Variants in NAALADL2 observed in about 807,000 individuals in gnomAD.
NAALADL2 encodes N-acetylated alpha-linked acidic dipeptidase like 2.
In NAALADL2, 76 loss-of-function variants were observed where a neutral mutation model predicts 87.2. The ratio of observed to expected loss-of-function variants is 0.87; its 90% confidence interval spans 0.72 to 1.05. The LOEUF is 1.05. Among genes scored for constraint, NAALADL2 ranks in the 50% least tolerant of loss-of-function variants. The pLI, the probability that NAALADL2 is intolerant of heterozygous loss-of-function variation, is 0.00. For missense variants in NAALADL2, 1,089 were observed against 945.8 expected, an observed-to-expected ratio of 1.15 and a Z score of -1.99; for synonymous variants, 354 against 331.0, an observed-to-expected ratio of 1.07 and a Z score of -0.75.
chr3:174,761,560 A>G (rs1712956904), intron 3 of NAALADL2, among the ~76,000 whole-genome samples: 1 of 152,158 alleles, frequency 6.6e-6, no homozygotes, highest in Non-Finnish European at 1.5e-5. Context: ...TAACCAAGAG[A>G]GTATAAAGGA....
intron 1 of NAALADL2, among the ~76,000 whole-genome samples, chr3:175,011,932 G>A (rs1041504142): frequency 3.3e-5 from 5 of 152,070 alleles, no homozygotes; most frequent in Admixed American, 1.3e-4. Flanking sequence ...TGCAAAAACT[G>A]TAAAAAGCTA....
chr3:175,321,006 T>C (rs1759782638), intron 4 of NAALADL2, among the ~76,000 whole-genome samples: 1 of 151,798 alleles, frequency 6.6e-6, no homozygotes. Flanking sequence ...ATCATTCTAA[T>C]ACCAAAGCCG....
At chr3:174,949,814 C>T (rs1011292558) in intron 1 of NAALADL2, among the ~76,000 whole-genome samples, 4 of 152,298 alleles carry the variant, frequency 2.6e-5, no homozygotes, top group East Asian at 1.9e-4. Flanking sequence ...CACTGCTATT[C>T]GGAAGAAGAA....
intron 9 of NAALADL2, among the ~76,000 whole-genome samples, chr3:175,511,365 C>A (rs9839360): frequency 2.1e-4 from 32 of 152,050 alleles, no homozygotes; most frequent in Non-Finnish European, 3.8e-4. Context: ...GGCTGTCAGC[C>A]TAGGTTCTAA....
chr3:174,506,869 T>C (rs1719238358), intron 1 of NAALADL2, among the ~76,000 whole-genome samples: 1 of 151,954 alleles, frequency 6.6e-6, no homozygotes, highest in South Asian at 2.1e-4. Context: ...TTTTTCTTAT[T>C]TTTTTATTAG....
At chr3:174,947,779 C>T (rs1267282414) in intron 1 of NAALADL2, among the ~76,000 whole-genome samples, 2 of 151,886 alleles carry the variant, frequency 1.3e-5, no homozygotes, top group Non-Finnish European at 2.9e-5. Context: ...CACATATGTG[C>T]ACACATTCTT....
intron 11 of NAALADL2, among the ~76,000 whole-genome samples, chr3:175,727,847 G>A (rs1389843511): frequency 6.6e-6 from 1 of 152,066 alleles, no homozygotes; most frequent in Admixed American, 6.6e-5. Context: ...GTCATCCATT[G>A]GCAAGAAGAG....
intron 13 of NAALADL2, among the ~76,000 whole-genome samples, chr3:175,769,849 G>C (rs1749247598): frequency 6.6e-6 from 1 of 152,144 alleles, no homozygotes; most frequent in Non-Finnish European, 1.5e-5. Flanking sequence ...TGACAGCTCA[G>C]GGAAGAGTTG....
Position 175,808,449 on chromosome 3 carries a change from ACT to A in NAALADL2, c.*5249_*5250del, listed in dbSNP as rs1030779809. The A allele has an allele frequency of 6.6e-6, 1 of 151,924 alleles. No individual in the cohort carries two copies. The highest frequency in any genetic ancestry group is 2.4e-5 in the African/African-American group (1 of 41,388). The allele number at this position is 151,924 out of a possible 1,614,324, so 9.4% of individuals were successfully genotyped here. Reference sequence around the variant, plus strand: ...ATCAAGGCCAAAGAAATGCATGATTACTCTGATTTCTTATGCACCATTCAGTC... The same window carrying A: ...ATCAAGGCCAAAGAAATGCATGATTACTGATTTCTTATGCACCATTCAGTC... On this transcript the variant is annotated 3_prime_UTR_variant, in exon 14 of 14. Coordinates refer to ENST00000454872, the MANE Select transcript of NAALADL2 (RefSeq NM_207015.3).
chr3:175,667,257 G>GAAAGAAAGA (rs1733309445), intron 11 of NAALADL2, among the ~76,000 whole-genome samples: 1 of 140,976 alleles, frequency 7.1e-6, no homozygotes, highest in African/African-American at 3.0e-5. Flanking sequence ...AAGAAAGAAA[G>GAAAGAAAGA]AAAGAAAGGA....
Position 175,644,320 on chromosome 3 carries a change from T to C in NAALADL2, c.1896+16934T>C, listed in dbSNP as rs1357242377. On this transcript the variant is annotated intron_variant, in intron 11 of 13. Transcript: ENST00000454872. ...TCTAGTTTGCCAATATCTTTATGTT[T>C]TTAGTCCTTTGAGGTTCTTAAATTC... 2.0e-5 allele frequency among the ~76,000 whole-genome samples: 3 copies of C among 152,254 alleles called. No homozygotes were observed. The East Asian group carries it at 5.8e-4, about 29-fold the overall frequency.
intron 1 of NAALADL2, among the ~76,000 whole-genome samples, chr3:174,970,825 T>A (rs535277873): frequency 6.6e-5 from 10 of 152,308 alleles, no homozygotes; most frequent in African/African-American, 2.4e-4. Flanking sequence ...ACATGTTCAA[T>A]CAATAAGCAT....
At chr3:175,531,262 A>C (rs150005131) in intron 9 of NAALADL2, among the ~76,000 whole-genome samples, 51 of 152,216 alleles carry the variant, frequency 3.4e-4, no homozygotes, top group African/African-American at 1.2e-3. Flanking sequence ...AAATAGGCCC[A>C]CTAGGCATTG....
chr3:175,201,250 C>A (rs1411874432), intron 2 of NAALADL2, among the ~76,000 whole-genome samples: 1 of 152,084 alleles, frequency 6.6e-6, no homozygotes, highest in Non-Finnish European at 1.5e-5. Flanking sequence ...ACCACCACCA[C>A]AAGAAGAGTA....
At chr3:175,169,220 G>A (rs1460548902) in intron 2 of NAALADL2, among the ~76,000 whole-genome samples, 1 of 151,586 alleles carries the variant, frequency 6.6e-6, no homozygotes, top group Non-Finnish European at 1.5e-5. Context: ...AAATCTTTTT[G>A]TGGTTTTTGT....
At chr3:174,740,090 A>G (rs576953084) in intron 3 of NAALADL2, among the ~76,000 whole-genome samples, 33 of 152,144 alleles carry the variant, frequency 2.2e-4, no homozygotes, top group Admixed American at 5.9e-4. Context: ...TTTAAGAAAT[A>G]CATTCATATG....
At chr3:174,999,552 C>G (rs1352383639) in intron 1 of NAALADL2, among the ~76,000 whole-genome samples, 1 of 152,140 alleles carries the variant, frequency 6.6e-6, no homozygotes, top group East Asian at 1.9e-4. Flanking sequence ...ATTAGTGCCA[C>G]TGTCCACATT....
intron 2 of NAALADL2, among the ~76,000 whole-genome samples, chr3:174,592,267 C>CT (rs1717447230): frequency 6.6e-6 from 1 of 150,778 alleles, no homozygotes; most frequent in African/African-American, 2.4e-5. Flanking sequence ...TATTATTATA[C>CT]TTTAAGTTTT....
chr3:174,973,484 A>G (rs1209425981), intron 1 of NAALADL2, among the ~76,000 whole-genome samples: 3 of 152,132 alleles, frequency 2.0e-5, no homozygotes, highest in Non-Finnish European at 4.4e-5. Flanking sequence ...TATAGCTCTA[A>G]TTGATATTTG....
Sources: gnomAD v4.1 joint callset for allele counts (sites outside exome capture counted in the v4.1 genomes callset) on GRCh38, gnomAD v4.1.1 for gene constraint, MANE v1.5 for transcripts, NCBI Gene and HGNC (gene_info 2026-07-23, HGNC 2026-07-21) for gene names.